The following UGGT1 variants were observed in gnomAD, a reference collection of about 807,000 sequenced individuals.
The protein encoded by UGGT1 is UDP-glucose glycoprotein glucosyltransferase 1.
A neutral mutation model predicts 203.9 loss-of-function variants in UGGT1; 107 were observed. The ratio of observed to expected loss-of-function variants is 0.52; its 90% CI spans 0.45 to 0.62. UGGT1 has a LOEUF of 0.62. UGGT1 is among the 20% of genes least tolerant of loss of function. The pLI, the probability that UGGT1 is intolerant of heterozygous loss-of-function variation, is 0.00. For synonymous variants in UGGT1, 628 were observed against 653.5 expected (o/e 0.96, Z 0.59); for missense variants, 1,673 against 1,867.2 (o/e 0.90, Z 1.92).
chr2:128,101,619 A>G (rs972221245), intron 2 of UGGT1, among the ~76,000 whole-genome samples: 21 of 152,220 alleles, frequency 1.4e-4, no homozygotes, highest in African/African-American at 4.1e-4. Context: ...ATGAATTTAT[A>G]TTCCAGCTTT....
At chr2:128,152,974 A>G in intron 19 of UGGT1, 70 bp downstream of exon 19, 1 of 1,595,544 alleles carries the variant, frequency 6.3e-7, no homozygotes. Flanking sequence ...CATTTTTCAG[A>G]TTTTAATATT....
chr2:128,116,379 A>G (rs1459039933), intron 8 of UGGT1, 36 bp downstream of exon 8: 1 of 1,358,840 alleles, frequency 7.4e-7, no homozygotes, highest in South Asian at 1.2e-5. Flanking sequence ...AAACGCCCTC[A>G]TTTTCTTTAA....
chr2:128,100,400 T>C (rs1451177356), intron 2 of UGGT1, among the ~76,000 whole-genome samples: 3 of 151,974 alleles, frequency 2.0e-5, no homozygotes, highest in African/African-American at 7.3e-5. Flanking sequence ...GTTTTTGTGA[T>C]ATTCTGTTTA....
chr2:128,175,588 G>C (rs1417102773), intron 31 of UGGT1, among the ~76,000 whole-genome samples: 3 of 152,182 alleles, frequency 2.0e-5, no homozygotes, highest in African/African-American at 7.2e-5. Flanking sequence ...ATTAGTGCCT[G>C]GTTCTTACCC....
At chr2:128,130,691 C>T (rs543689410) in intron 13 of UGGT1, among the ~76,000 whole-genome samples, 28 of 152,300 alleles carry the variant, frequency 1.8e-4, no homozygotes, top group African/African-American at 6.5e-4. Context: ...CCCTTACCAA[C>T]CACCCCTCTC....
chr2:128,091,484 C>A (rs1315121447), intron 1 of UGGT1, 69 bp downstream of exon 1: 1 of 1,526,742 alleles, frequency 6.5e-7, no homozygotes, highest in African/African-American at 1.4e-5. Flanking sequence ...CGACCCTGTG[C>A]CCCTGTCACA....
intron 3 of UGGT1, among the ~76,000 whole-genome samples, chr2:128,107,611 A>G (rs893717915): frequency 6.6e-6 from 1 of 152,216 alleles, no homozygotes; most frequent in Non-Finnish European, 1.5e-5. Flanking sequence ...CCATTGAAGC[A>G]TGGGGTAGGG....
Position 128,189,969 on chromosome 2 carries a change from C to A in UGGT1, c.*227C>A. 2.1e-6 allele frequency: 1 copy of A among 485,412 alleles called. No individual in the cohort carries two copies. Among genetic ancestry groups the A allele is most frequent in the South Asian group, 3.4e-5 (1 of 29,092 alleles). The allele number at this position is 485,412 out of a possible 1,614,324, so 30.1% of individuals were successfully genotyped here. A position where few individuals can be genotyped will look rare whatever the true frequency, so the allele number is the denominator to read the frequency against. ...CTCAGAGGAAGACCAAGTGGCTGAT[C>A]CTTTGGACTCTGTAAAGAGCATTCT... On this transcript the variant is annotated 3_prime_UTR_variant, in exon 41 of 41. Coordinates refer to ENST00000259253, the MANE Select transcript of UGGT1 (RefSeq NM_020120.4).
At chr2:128,147,154 T>C (rs1322836469) in intron 18 of UGGT1, among the ~76,000 whole-genome samples, 2 of 152,220 alleles carry the variant, frequency 1.3e-5, no homozygotes, top group East Asian at 1.9e-4. Context: ...TCTGGAAATA[T>C]GCACATGGTG....
rs116102435 is a variant in UGGT1, at chr2:128,180,503, C to G, written c.3901-387C>G. 4.4e-3 allele frequency among the ~76,000 whole-genome samples: 671 copies of G among 152,320 alleles called. 2 individuals carry two copies. Among genetic ancestry groups the G allele is most frequent in the African/African-American group, 0.015 (637 of 41,566 alleles). ...ACATTTGTCCAGAGTTCTGGCTTTG[C>G]AGTGTTATTCCCTGGGTTAGATCTG... On this transcript the variant is annotated intron_variant, in intron 35 of 40. Coordinates refer to ENST00000259253, the MANE Select transcript of UGGT1 (RefSeq NM_020120.4).
intron 11 of UGGT1, among the ~76,000 whole-genome samples, chr2:128,126,941 C>G (rs1035614636): frequency 6.6e-6 from 1 of 152,034 alleles, no homozygotes; most frequent in African/African-American, 2.4e-5. Context: ...CCTTGGCCTC[C>G]CCAAGTGCTG....
intron 3 of UGGT1, among the ~76,000 whole-genome samples, chr2:128,107,221 A>G (rs943293539): frequency 2.0e-5 from 3 of 151,744 alleles, no homozygotes; most frequent in Non-Finnish European, 2.9e-5. Context: ...AAAAGTTACT[A>G]TGTACATTGT....
chr2:128,190,051 C>T lies in UGGT1; in HGVS notation c.*309C>T, dbSNP rs1692179792. ...TGGAAGAAAATGAGTTTTTTGGTGCCCACACCCAAGAGCACACACATGCTG... is the reference window on the plus strand; with the variant it reads ...TGGAAGAAAATGAGTTTTTTGGTGCTCACACCCAAGAGCACACACATGCTG... On this transcript the variant is annotated 3_prime_UTR_variant, in exon 41 of 41. Transcript: ENST00000259253. 3.5e-6 allele frequency: 1 copy of T among 285,684 alleles called. No individual in the cohort carries two copies. Among genetic ancestry groups the T allele is most frequent in the African/African-American group, 2.1e-5 (1 of 46,934 alleles). The allele number at this position is 285,684 out of a possible 1,614,324, so 17.7% of individuals were successfully genotyped here. A position where few individuals can be genotyped will look rare whatever the true frequency, so the allele number is the denominator to read the frequency against.
At chr2:128,118,890 G>A (rs556311972) in intron 8 of UGGT1, among the ~76,000 whole-genome samples, 102 of 151,976 alleles carry the variant, frequency 6.7e-4, no homozygotes, top group Non-Finnish European at 8.1e-4. Flanking sequence ...GGCTGGTCTT[G>A]AACTCCTGGG....
chr2:128,141,377 C>T (rs953176826), intron 16 of UGGT1, among the ~76,000 whole-genome samples: 11 of 152,048 alleles, frequency 7.2e-5, no homozygotes, highest in African/African-American at 2.2e-4. Context: ...AGGTGGATCA[C>T]GAGATCAGGA....
At chr2:128,123,322 G>A (rs1688468204) in intron 11 of UGGT1, 76 bp downstream of exon 11, 1 of 1,218,434 alleles carries the variant, frequency 8.2e-7, no homozygotes, top group African/African-American at 1.5e-5. Flanking sequence ...TTAATCAGCA[G>A]CATTTAACAG....
chr2:128,181,966 A>G (rs1296949737), intron 36 of UGGT1, among the ~76,000 whole-genome samples, 164 bp from the exon 37 acceptor site: 1 of 152,214 alleles, frequency 6.6e-6, no homozygotes, highest in Non-Finnish European at 1.5e-5. Flanking sequence ...TGAGTCAACC[A>G]GGTAATAAGT....
In UGGT1 at chr2:128,091,281, G is replaced by C. The variant is rs534518217; in HGVS notation, c.-77G>C. The C allele has an allele frequency of 1.8e-5, 25 of 1,425,416 alleles. No homozygotes were observed. The South Asian group carries it at 3.1e-4, about 18-fold the overall frequency. 88.3% of individuals were successfully genotyped at this position (1,425,416 alleles called of 1,614,324 possible). On this transcript the variant is annotated 5_prime_UTR_variant, in exon 1 of 41. Coordinates refer to ENST00000259253, the MANE Select transcript of UGGT1 (RefSeq NM_020120.4). ...TGTCGGCCTCTCACTGGCGCAGCCTGCACTGCCGCTGCCGCCTCGCCCCGC... is the reference window on the plus strand; with the variant it reads ...TGTCGGCCTCTCACTGGCGCAGCCTCCACTGCCGCTGCCGCCTCGCCCCGC...
At chr2:128,183,202 G>A (rs1691797146) in intron 37 of UGGT1, among the ~76,000 whole-genome samples, 1 of 152,226 alleles carries the variant, frequency 6.6e-6, no homozygotes, top group African/African-American at 2.4e-5. Context: ...AAGATGTGCA[G>A]GGAAGAGGAA....
Sources: gnomAD v4.1 joint callset for allele counts (sites outside exome capture counted in the v4.1 genomes callset) on GRCh38, gnomAD v4.1.1 for gene constraint, MANE v1.5 for transcripts, NCBI Gene and HGNC (gene_info 2026-07-23, HGNC 2026-07-21) for gene names.